EPG5: variants seen among roughly 807,000 people sequenced by gnomAD.
EPG5 encodes ectopic P granules protein 5 homolog.
A neutral mutation model predicts 302.7 loss-of-function variants in EPG5; 159 were observed. That is an observed-to-expected ratio of 0.53 (90% CI 0.46 to 0.60). The LOEUF is 0.60. EPG5 is among the 20% of genes least tolerant of loss of function. The pLI, the probability that EPG5 is intolerant of heterozygous loss-of-function variation, is 0.00. For synonymous variants in EPG5, 1,158 were observed against 1,136.8 expected (o/e 1.02, Z -0.37); for missense variants, 2,896 against 3,092.4 (o/e 0.94, Z 1.51).
intron 6 of EPG5, among the ~76,000 whole-genome samples, chr18:45,947,836 G>C (rs796268252): frequency 6.6e-6 from 1 of 151,758 alleles, no homozygotes; most frequent in South Asian, 2.1e-4. Flanking sequence ...GCAGTGACAC[G>C]ATCTCAGCTC....
At chr18:45,862,513 G>A (rs1206158398) in intron 39 of EPG5, among the ~76,000 whole-genome samples, 1 of 152,170 alleles carries the variant, frequency 6.6e-6, no homozygotes, top group African/African-American at 2.4e-5. Flanking sequence ...TATGGGGGTA[G>A]GTCCTTCATG....
In EPG5 at chr18:45,943,195, T is replaced by C; in HGVS notation, c.1909A>G (p.Arg637Gly). ...TAACCAATTCGCTTCACAAACTGCCTATAGCGTGCTCTATTAAAGGTTTCT... is the reference window on the plus strand; with the variant it reads ...TAACCAATTCGCTTCACAAACTGCCCATAGCGTGCTCTATTAAAGGTTTCT... The part of the protein sequence containing the change: ...GLETFNRARY[R>G]QFVKRIGYMI... The change falls in exon 9 of 44, where the codon AGG (arginine) becomes GGG (glycine). Residue 637 changes from arginine to glycine, a missense_variant. Arg to Gly is a moderately radical substitution (Grantham distance 125). Coordinates refer to ENST00000282041, the MANE Select transcript of EPG5 (RefSeq NM_020964.3). 1 of 1,614,192 alleles carries C rather than the reference T, an allele frequency of 6.2e-7. No homozygotes were observed.
At chr18:45,937,409 C>CAT (rs890327480) in intron 10 of EPG5, among the ~76,000 whole-genome samples, 7 of 149,720 alleles carry the variant, frequency 4.7e-5, no homozygotes, top group African/African-American at 1.7e-4. Flanking sequence ...CACACACACA[C>CAT]ATATATATAT....
At chr18:45,816,481 A>T in the EPG5 span, among the ~76,000 whole-genome samples, 1 of 152,232 alleles carries the variant, frequency 6.6e-6, no homozygotes, top group Non-Finnish European at 1.5e-5. Context: ...ACATAAATAG[A>T]CAATTCTCAA....
intron 1 of EPG5, among the ~76,000 whole-genome samples, chr18:45,956,497 C>A (rs1036632414): frequency 2.0e-5 from 3 of 151,334 alleles, no homozygotes; most frequent in Non-Finnish European, 4.4e-5. Context: ...TGCTCTGTTG[C>A]GCAGGCTGGA....
chr18:45,942,161 G>A (rs2050679686), intron 9 of EPG5, among the ~76,000 whole-genome samples: 1 of 152,048 alleles, frequency 6.6e-6, no homozygotes, highest in African/African-American at 2.4e-5. Flanking sequence ...GGAGGCAGAG[G>A]TTGCAGTGAG....
At chr18:45,832,999 G>A in the EPG5 span, among the ~76,000 whole-genome samples, 10 of 152,112 alleles carry the variant, frequency 6.6e-5, no homozygotes, top group East Asian at 1.9e-4. Flanking sequence ...AGCCAAGATC[G>A]TAACCCTTGG....
chr18:45,836,434 T>C, the EPG5 span, among the ~76,000 whole-genome samples: 4 of 151,998 alleles, frequency 2.6e-5, no homozygotes, highest in Admixed American at 6.6e-5. Context: ...CTTAGAAGCC[T>C]GCCCTTTCTC....
In EPG5 at chr18:45,887,755, C is replaced by A; in HGVS notation, c.5105G>T (p.Gly1702Val). Residue 1702 changes from glycine to valine, a missense_variant, in exon 29 of 44, where the codon GGA becomes GTA. Gly to Val is a moderately radical substitution (Grantham distance 109). Transcript: ENST00000282041. ...AAAAGGTACAGATAGCCTTACCTGT[C>A]CCAAGATCTCAATACATGAAGTAAA... ...QFFTSCIEIL[G>V]QVFISGIKSE... is the part of the protein sequence containing the mutation. 1 of 1,562,458 alleles carries A rather than the reference C, an allele frequency of 6.4e-7. No individual in the cohort carries two copies. The highest frequency in any genetic ancestry group is 8.7e-7 in the Non-Finnish European group (1 of 1,143,004).
the EPG5 span, among the ~76,000 whole-genome samples, chr18:45,828,038 C>T: frequency 4.6e-5 from 7 of 152,210 alleles, no homozygotes; most frequent in African/African-American, 1.4e-4. Context: ...TCCAGGCCCC[C>T]ACTTCCTGAC....
rs1190395474 is a variant in EPG5, at chr18:45,967,203, C to T, written c.37G>A (p.Ala13Thr). The T allele has an allele frequency of 4.4e-6, 7 of 1,605,756 alleles. No individual in the cohort carries two copies. The highest frequency in any genetic ancestry group is 6.0e-6 in the Non-Finnish European group (7 of 1,176,350). The change falls in exon 1 of 44, where the codon GCC (alanine) becomes ACC (threonine). Residue 13 changes from alanine (A) to threonine (T), a missense_variant. Physicochemically the swap from Ala to Thr is moderately conservative, Grantham distance 58. Transcript: ENST00000282041. ...TTTGTTTTAGTCCGGCTGGCCTTGG[C>T]CTTGGCCCGGCGCTGGGGCTTCACC... ...EAVKPQRRAK[A>T]KASRTKTKEK... is the part of the protein sequence containing the mutation.
At chr18:45,811,175 CAA>C in the EPG5 span, among the ~76,000 whole-genome samples, 2 of 152,142 alleles carry the variant, frequency 1.3e-5, no homozygotes, top group Non-Finnish European at 2.9e-5. Context: ...AGCAGTCAGA[CAA>C]GAGAAAGAAA....
chr18:45,916,346 T>A, intron 18 of EPG5, 92 bp downstream of exon 18: 3 of 1,551,286 alleles, frequency 1.9e-6, no homozygotes, highest in Admixed American at 3.7e-5. Context: ...AGCCAAGTGA[T>A]CTGAAATGAC....
At chr18:45,837,061 G>A in the EPG5 span, 5 of 1,578,258 alleles carry the variant, frequency 3.2e-6, no homozygotes, top group East Asian at 8.9e-5. Context: ...AGATACTACG[G>A]AGAACTTGCT....
chr18:45,930,681 A>G lies in EPG5; in HGVS notation c.2407T>C (p.Tyr803His), dbSNP rs762353654. 7 of 1,578,736 alleles carry G rather than the reference A, an allele frequency of 4.4e-6. No homozygotes were observed. The highest frequency in any genetic ancestry group is 2.4e-5 in the South Asian group (2 of 84,596). Reference protein sequence around the residue: ...DFIKIIVLEIYEVSYVTLSTR... With the variant: ...DFIKIIVLEIHEVSYVTLSTR... ...ATAAAACTTCATATTCTAACCTCATATATCTCCAGAACAATAATTTTTATG... is the reference window on the plus strand; with the variant it reads ...ATAAAACTTCATATTCTAACCTCATGTATCTCCAGAACAATAATTTTTATG... Residue 803 changes from tyrosine (Y) to histidine (H), a missense_variant, in exon 12 of 44, where the codon TAT (tyrosine) becomes CAT (histidine). Coordinates refer to ENST00000282041, the MANE Select transcript of EPG5 (RefSeq NM_020964.3).
At position 45,884,907 on chromosome 18, in the gene EPG5, A is replaced by G. The variant is rs1053897901; in HGVS notation, c.5110-96T>C. On this transcript the variant is annotated intron_variant, in intron 29 of 43. Transcript: ENST00000282041. ...TTAAGGGGCACCAAATAAGGTGAAT[A>G]GAATTTTTTTCTAAACAAAAGTCTG... is the stretch of plus-strand genomic sequence containing the variant. The G allele has an allele frequency of 7.3e-6, 6 of 822,498 alleles. No homozygotes were observed. The African/African-American group carries it at 1.1e-4, about 15-fold the overall frequency. 50.9% of individuals were successfully genotyped at this position (822,498 alleles called of 1,614,324 possible).
chr18:45,801,617 T>A, the EPG5 span, among the ~76,000 whole-genome samples: 1 of 152,180 alleles, frequency 6.6e-6, no homozygotes. Flanking sequence ...CACCCTCTTG[T>A]CATTCCTGTC....
At chr18:45,842,297 G>A in the EPG5 span, 6 of 1,202,188 alleles carry the variant, frequency 5.0e-6, no homozygotes, top group Non-Finnish European at 7.3e-6. Flanking sequence ...GCAGCCCCCA[G>A]CTGGGTGGCT....
intron 10 of EPG5, among the ~76,000 whole-genome samples, chr18:45,936,446 G>A (rs1010320741): frequency 2.7e-5 from 4 of 145,734 alleles, no homozygotes; most frequent in East Asian, 2.1e-4. Context: ...GCTAAGGAAT[G>A]GCTGGATGCG....
Sources: gnomAD v4.1 joint callset for allele counts (sites outside exome capture counted in the v4.1 genomes callset) on GRCh38, gnomAD v4.1.1 for gene constraint, MANE v1.5 for transcripts, NCBI Gene and HGNC (gene_info 2026-07-23, HGNC 2026-07-21) for gene names.